Variants in FOXP1 observed in about 807,000 individuals in gnomAD.
FOXP1 encodes the protein forkhead box P1.
A neutral mutation model predicts 98.2 loss-of-function variants in FOXP1; 15 were observed. That is an observed-to-expected ratio of 0.15 (90% confidence interval 0.10 to 0.24). The LOEUF (loss-of-function observed/expected upper bound fraction) is 0.24, where lower values mean the gene tolerates loss of function less well. FOXP1 is among the 10% of genes least tolerant of loss of function. The pLI is 1.00. For missense variants in FOXP1, 633 were observed against 848.5 expected, an observed-to-expected ratio of 0.75 and a Z score of 3.15; for synonymous variants, 371 against 314.5, an observed-to-expected ratio of 1.18 and a Z score of -1.90.
intron 5 of FOXP1, among the ~76,000 whole-genome samples, chr3:71,299,455 C>T (rs1471825082): frequency 2.0e-5 from 3 of 152,176 alleles, no homozygotes; most frequent in Non-Finnish European, 4.4e-5. Context: ...TACTGACATG[C>T]GTTACTCTTG....
intron 4 of FOXP1, among the ~76,000 whole-genome samples, chr3:71,313,131 C>G (rs2074818899): frequency 6.9e-6 from 1 of 145,064 alleles, no homozygotes. Flanking sequence ...GCAATCTCGG[C>G]TCACTGCAAG....
chr3:71,287,548 G>A (rs556160912), intron 5 of FOXP1, among the ~76,000 whole-genome samples: 2 of 152,210 alleles, frequency 1.3e-5, no homozygotes, highest in East Asian at 3.9e-4. Flanking sequence ...GGGAGGCTGA[G>A]AGGGGCAGAT....
intron 4 of FOXP1, among the ~76,000 whole-genome samples, chr3:71,303,289 T>C (rs1653973): frequency 0.084 from 12,846 of 152,260 alleles, 584 homozygotes; most frequent in South Asian, 0.17. Flanking sequence ...CAATACTGGC[T>C]GAGAACCTAT....
rs118009038 is a variant in FOXP1 at position 71,410,643 on chromosome 3, T to G, written c.-167-51399A>C. On this transcript the variant is annotated intron_variant, in intron 3 of 20. Transcript: ENST00000649528. ...GAATTATGAAACAAATGTCAAGCCC[T>G]GCTTTAATACATTTTTTTAAAATTT... Among the ~76,000 whole-genome samples the G allele has an allele frequency of 1.7e-4, 26 of 152,360 alleles. No individual in the cohort carries two copies. The East Asian group carries it at 4.8e-3, about 28-fold the overall frequency.
At chr3:71,476,216 T>C (rs9853632) in intron 3 of FOXP1, among the ~76,000 whole-genome samples, 55,199 of 152,046 alleles carry the variant, frequency 0.36, 10,481 homozygotes, top group African/African-American at 0.4. Context: ...TATGGATGTG[T>C]TGTGTTTATA....
chr3:71,531,394 G>T (rs1463425553), intron 2 of FOXP1, among the ~76,000 whole-genome samples: 1 of 152,164 alleles, frequency 6.6e-6, no homozygotes, highest in African/African-American at 2.4e-5. Flanking sequence ...GTAAACTACT[G>T]CTATTCTACG....
rs888561762 is a variant in FOXP1 at position 71,130,385 on chromosome 3, A to T, written c.181-17748T>A. Reference sequence around the variant, plus strand: ...GGGAAGGGGGAGGAAAAAAAGCAGTAAACAAGTTGGATCACCTTATTTCGC... The same window carrying T: ...GGGAAGGGGGAGGAAAAAAAGCAGTTAACAAGTTGGATCACCTTATTTCGC... On this transcript the variant is annotated intron_variant, in intron 6 of 20. Transcript: ENST00000649528. 2.8e-6 allele frequency: 3 copies of T among 1,064,132 alleles called. No individual in the cohort carries two copies. In the African/African-American group the frequency reaches 4.7e-5, roughly 17 times the overall value. 65.9% of individuals were successfully genotyped at this position (1,064,132 alleles called of 1,614,324 possible).
chr3:71,503,140 G>A (rs141913008), intron 2 of FOXP1, among the ~76,000 whole-genome samples: 2 of 152,268 alleles, frequency 1.3e-5, no homozygotes, highest in East Asian at 3.9e-4. Context: ...TAAAAGTGCT[G>A]TTTACATAGA....
chr3:71,515,012 T>C (rs1016129082), intron 2 of FOXP1, among the ~76,000 whole-genome samples: 3 of 152,208 alleles, frequency 2.0e-5, no homozygotes, highest in African/African-American at 7.2e-5. Context: ...AAAACTACCA[T>C]TTTTTATAGA....
intron 2 of FOXP1, among the ~76,000 whole-genome samples, chr3:71,523,655 T>G (rs1455404041): frequency 6.6e-6 from 1 of 152,158 alleles, no homozygotes; most frequent in East Asian, 1.9e-4. Context: ...ATTGTGTATT[T>G]TCCTTTGTTT....
At chr3:71,382,191 C>T (rs1223479034) in intron 3 of FOXP1, among the ~76,000 whole-genome samples, 1 of 152,016 alleles carries the variant, frequency 6.6e-6, no homozygotes, top group African/African-American at 2.4e-5. Flanking sequence ...GGGAGAATTG[C>T]TTGAGCCCAG....
intron 5 of FOXP1, chr3:71,288,459 T>C (rs1357614652): frequency 6.6e-6 from 1 of 152,158 alleles, no homozygotes; most frequent in Non-Finnish European, 1.5e-5. Flanking sequence ...ACTACCTATA[T>C]TAGTAAAAGG....
chr3:71,323,578 G>A (rs2075519929), intron 4 of FOXP1, among the ~76,000 whole-genome samples: 1 of 152,204 alleles, frequency 6.6e-6, no homozygotes, highest in Admixed American at 6.5e-5. Context: ...GAGGGGAAGA[G>A]TGTGTAACTA....
At chr3:71,228,274 A>G (rs1432110877) in intron 5 of FOXP1, among the ~76,000 whole-genome samples, 2 of 151,932 alleles carry the variant, frequency 1.3e-5, no homozygotes, top group African/African-American at 4.8e-5. Context: ...TCAATTCTCT[A>G]TACGCACCGA....
chr3:71,279,884 G>A (rs572614168), intron 5 of FOXP1, among the ~76,000 whole-genome samples: 129 of 152,144 alleles, frequency 8.5e-4, no homozygotes, highest in African/African-American at 3.0e-3. Context: ...AGCACTTTGC[G>A]AGGCCGAGGC....
intron 2 of FOXP1, among the ~76,000 whole-genome samples, chr3:71,566,845 G>A (rs2046950550): frequency 6.6e-6 from 1 of 152,088 alleles, no homozygotes; most frequent in Non-Finnish European, 1.5e-5. Context: ...CATGAGAAGT[G>A]TCTCCTTGAG....
intron 11 of FOXP1, among the ~76,000 whole-genome samples, chr3:71,034,300 A>G (rs1263533789): frequency 6.6e-6 from 1 of 152,104 alleles, no homozygotes; most frequent in African/African-American, 2.4e-5. Flanking sequence ...ATTCTCATCA[A>G]AAGTCTGGGC....
chr3:71,175,824 A>G (rs995046510), intron 6 of FOXP1, among the ~76,000 whole-genome samples: 7 of 152,222 alleles, frequency 4.6e-5, no homozygotes, highest in African/African-American at 1.4e-4. Flanking sequence ...TGTGAGTACT[A>G]TCTTTTATTT....
chr3:71,500,335 GAAT>G (rs1359749349), intron 2 of FOXP1, among the ~76,000 whole-genome samples: 1 of 152,208 alleles, frequency 6.6e-6, no homozygotes, highest in Non-Finnish European at 1.5e-5. Context: ...ACAATCTCCT[GAAT>G]ATTCCATGTG....
Sources: allele counts gnomAD v4.1 joint callset (sites outside exome capture counted in the v4.1 genomes callset), GRCh38; gene constraint gnomAD v4.1.1; transcripts MANE v1.5; gene names NCBI Gene and HGNC (gene_info 2026-07-23, HGNC 2026-07-21).